DACH1: variants seen among roughly 807,000 people sequenced by gnomAD.
DACH1 encodes dachshund homolog 1.
A neutral mutation model predicts 54.2 loss-of-function variants in DACH1; 12 were observed. The ratio of observed to expected loss-of-function variants is 0.22; its 90% confidence interval spans 0.14 to 0.36. DACH1 has a LOEUF of 0.36. Ranked by LOEUF, DACH1 falls within the 10% of genes least tolerant of loss-of-function variation. The pLI, the probability that DACH1 is intolerant of heterozygous loss-of-function variation, is 1.00. For synonymous variants in DACH1, 386 were observed against 366.2 expected (o/e 1.05, Z -0.62); for missense variants, 805 against 929.8 (o/e 0.87, Z 1.75).
At chr13:71,578,968 C>T (rs1295141395) in intron 3 of DACH1, among the ~76,000 whole-genome samples, 2 of 151,972 alleles carry the variant, frequency 1.3e-5, no homozygotes, top group African/African-American at 4.8e-5. Context: ...CTAACTGCCC[C>T]ATTACCTATA....
At chr13:71,577,506 G>T (rs1885605205) in intron 3 of DACH1, among the ~76,000 whole-genome samples, 1 of 152,136 alleles carries the variant, frequency 6.6e-6, no homozygotes, top group South Asian at 2.1e-4. Context: ...GTTGTTCATG[G>T]AGTCTGGAGT....
chr13:71,701,264 T>C (rs903100483), intron 1 of DACH1, among the ~76,000 whole-genome samples: 17 of 152,162 alleles, frequency 1.1e-4, no homozygotes, highest in Non-Finnish European at 2.1e-4. Context: ...ATTAAATTAC[T>C]ACATAATCGA....
intron 1 of DACH1, among the ~76,000 whole-genome samples, chr13:71,765,372 T>C (rs564107505): frequency 2.0e-5 from 3 of 152,322 alleles, no homozygotes; most frequent in Non-Finnish European, 4.4e-5. Context: ...GTGGTCACTG[T>C]TTCAGTAAAG....
chr13:71,610,190 T>C (rs567575799), intron 3 of DACH1, among the ~76,000 whole-genome samples: 25 of 143,386 alleles, frequency 1.7e-4, no homozygotes, highest in African/African-American at 6.8e-4. Context: ...TTAGGTTCTA[T>C]GAACCACTAA....
intron 1 of DACH1, among the ~76,000 whole-genome samples, chr13:71,837,898 G>A (rs1041375385): frequency 5.4e-5 from 8 of 147,958 alleles, no homozygotes; most frequent in Admixed American, 2.0e-4. Context: ...GTAAACTATC[G>A]CAAGAACAAA....
rs541088441 is a variant in DACH1, at chr13:71,543,445, C to G, written c.1570+13579G>C. Among the ~76,000 whole-genome samples, 33 of 152,090 alleles carry G rather than the reference C, an allele frequency of 2.2e-4. 1 individual carries two copies. Among genetic ancestry groups the G allele is most frequent in the South Asian group, 8.3e-4 (4 of 4,822 alleles). On this transcript the variant is annotated intron_variant, in intron 6 of 10. Coordinates refer to ENST00000613252, the MANE Select transcript of DACH1 (RefSeq NM_080759.6). ...AAGAACAAATGAATACATTTCAATTCAGAGGAAAAAACATCAAAAAACTCT... is the reference window on the plus strand; with the variant it reads ...AAGAACAAATGAATACATTTCAATTGAGAGGAAAAAACATCAAAAAACTCT...
chr13:71,485,570 TTC>T (rs1878423760), intron 7 of DACH1, among the ~76,000 whole-genome samples: 2 of 139,676 alleles, frequency 1.4e-5, no homozygotes, highest in African/African-American at 5.1e-5. Context: ...AACTTTTCTT[TTC>T]TTCTTTTTTT....
At chr13:71,692,010 TAC>T (rs34800453) in intron 1 of DACH1, among the ~76,000 whole-genome samples, 11,447 of 139,742 alleles carry the variant, frequency 0.082, 470 homozygotes, top group African/African-American at 0.12. Context: ...AGCCCCCCAT[TAC>T]ACACACACAC....
chr13:71,834,049 T>C (rs1888687292), intron 1 of DACH1, among the ~76,000 whole-genome samples: 3 of 152,050 alleles, frequency 2.0e-5, no homozygotes, highest in South Asian at 2.1e-4. Flanking sequence ...TCATAACAAA[T>C]ACGTCAAATG....
At chr13:71,708,689 T>A (rs1015682701) in intron 1 of DACH1, among the ~76,000 whole-genome samples, 10 of 152,072 alleles carry the variant, frequency 6.6e-5, no homozygotes, top group African/African-American at 2.2e-4. Context: ...CAGTGATTCT[T>A]GTAATATGGT....
chr13:71,771,339 A>C lies in DACH1; in HGVS notation c.849-89429T>G, dbSNP rs148964711. Reference sequence around the variant, plus strand: ...AGGATAAATAAATAAATAAATAAATAAATAAATAAATAAATAAATCTTTGC... The same window carrying C: ...AGGATAAATAAATAAATAAATAAATCAATAAATAAATAAATAAATCTTTGC... On this transcript the variant is annotated intron_variant, in intron 1 of 10. Coordinates refer to ENST00000613252, the MANE Select transcript of DACH1 (RefSeq NM_080759.6). Among the ~76,000 whole-genome samples the C allele has an allele frequency of 5.8e-3, 880 of 150,870 alleles. 11 individuals carry two copies. Among genetic ancestry groups the C allele is most frequent in the African/African-American group, 0.02 (825 of 41,372 alleles).
chr13:71,689,772 A>G (rs1191035880), intron 1 of DACH1, among the ~76,000 whole-genome samples: 1 of 152,218 alleles, frequency 6.6e-6, no homozygotes, highest in Non-Finnish European at 1.5e-5. Flanking sequence ...GCATTTGTAT[A>G]TTAAGTGTTA....
chr13:71,732,234 C>T (rs1459373635), intron 1 of DACH1, among the ~76,000 whole-genome samples: 1 of 152,054 alleles, frequency 6.6e-6, no homozygotes, highest in Non-Finnish European at 1.5e-5. Context: ...TCCTTCATTA[C>T]CTCTTCTACT....
At chr13:71,667,810 T>A (rs1879938829) in intron 2 of DACH1, among the ~76,000 whole-genome samples, 1 of 152,136 alleles carries the variant, frequency 6.6e-6, no homozygotes, top group African/African-American at 2.4e-5. Flanking sequence ...CTCAAATAAC[T>A]TCAAAATATC....
intron 1 of DACH1, among the ~76,000 whole-genome samples, chr13:71,854,851 C>A (rs967476479): frequency 6.6e-6 from 1 of 151,984 alleles, no homozygotes; most frequent in African/African-American, 2.4e-5. Context: ...TCAGGTGATA[C>A]TAGGAAACAG....
At chr13:71,521,737 T>C (rs1881615536) in intron 6 of DACH1, among the ~76,000 whole-genome samples, 1 of 152,012 alleles carries the variant, frequency 6.6e-6, no homozygotes, top group Admixed American at 6.6e-5. Flanking sequence ...AAATGCCAAA[T>C]CGCCTACGCG....
chr13:71,517,573 A>T (rs1881257833), intron 6 of DACH1, among the ~76,000 whole-genome samples: 4 of 151,906 alleles, frequency 2.6e-5, no homozygotes, highest in Admixed American at 2.6e-4. Flanking sequence ...ACATGGATTA[A>T]ATTAACAATA....
At chr13:71,820,249 CA>C (rs1361399683) in intron 1 of DACH1, among the ~76,000 whole-genome samples, 1 of 152,034 alleles carries the variant, frequency 6.6e-6, no homozygotes, top group African/African-American at 2.4e-5. Context: ...CTGGGTCTGC[CA>C]AGGGGTTTCA....
chr13:71,823,931 C>G (rs953432058), intron 1 of DACH1, among the ~76,000 whole-genome samples: 1 of 151,908 alleles, frequency 6.6e-6, no homozygotes, highest in Non-Finnish European at 1.5e-5. Context: ...TTATATCAAA[C>G]ACTTGCCAAA....
Sources: allele counts gnomAD v4.1 joint callset (sites outside exome capture counted in the v4.1 genomes callset), GRCh38; gene constraint gnomAD v4.1.1; transcripts MANE v1.5; gene names NCBI Gene and HGNC (gene_info 2026-07-23, HGNC 2026-07-21).